The following DNA2 variants were observed in gnomAD, a reference collection of about 807,000 sequenced individuals.
DNA2 encodes the protein DNA replication ATP-dependent helicase/nuclease DNA2.
DNA2 carries 101 observed loss-of-function variants against 119.1 expected under a neutral mutation model. That is an observed-to-expected ratio of 0.85 (90% CI 0.72 to 1.00). The LOEUF is 1.00. Ranked by LOEUF, DNA2 falls within the 50% of genes least tolerant of loss-of-function variation. DNA2 has a pLI of 0.00. For missense variants in DNA2, 1,121 were observed against 1,255.5 expected (o/e 0.89, Z 1.62); for synonymous variants, 366 against 424.4 (o/e 0.86, Z 1.69).
chr10:68,417,532 TA>T (rs1378902791), intron 19 of DNA2, among the ~76,000 whole-genome samples: 1 of 150,396 alleles, frequency 6.6e-6, no homozygotes, highest in Middle Eastern at 3.7e-3. Context: ...CGCATGCCTG[TA>T]ATCCCAGCTA....
At chr10:68,439,559 C>T (rs1003934197) in intron 9 of DNA2, among the ~76,000 whole-genome samples, 1 of 151,834 alleles carries the variant, frequency 6.6e-6, no homozygotes, top group African/African-American at 2.4e-5. Context: ...AAAAAATAGC[C>T]AGGTGCTGTG....
rs1014842133 is a variant in DNA2 at position 68,470,557 on chromosome 10, T to G, written c.75-394A>C. On this transcript the variant is annotated intron_variant, in intron 1 of 20. Coordinates refer to ENST00000358410, the MANE Select transcript of DNA2 (RefSeq NM_001080449.3). ...TGAGCCCAGGAGTTTGAGGCTGCAGTGAGATACGATCATGCTACTGCACCC... is the reference window on the plus strand; with the variant it reads ...TGAGCCCAGGAGTTTGAGGCTGCAGGGAGATACGATCATGCTACTGCACCC... 2.9e-5 allele frequency: 13 copies of G among 447,968 alleles called. No homozygotes were observed. In the East Asian group the frequency reaches 9.1e-4, roughly 31 times the overall value. 27.7% of individuals were successfully genotyped at this position (447,968 alleles called of 1,614,324 possible). A position where few individuals can be genotyped will look rare whatever the true frequency, so the allele number is the denominator to read the frequency against.
chr10:68,424,648 T>C (rs2051712471), intron 14 of DNA2: 1 of 1,604,586 alleles, frequency 6.2e-7, no homozygotes, highest in Non-Finnish European at 8.5e-7. Flanking sequence ...CGGAAGATCA[T>C]GTCATCCCCG....
intron 2 of DNA2, among the ~76,000 whole-genome samples, chr10:68,468,688 T>C (rs760842900): frequency 6.6e-6 from 1 of 152,210 alleles, no homozygotes; most frequent in Non-Finnish European, 1.5e-5. Context: ...TTTTAGGAAA[T>C]CTACAGCTTG....
Position 68,456,171 on chromosome 10 carries a change from T to C in DNA2, c.719+2933A>G, listed in dbSNP as rs539168816. On this transcript the variant is annotated intron_variant, in intron 5 of 20. Coordinates refer to ENST00000358410, the MANE Select transcript of DNA2 (RefSeq NM_001080449.3). ...CAGGAGGCAGAGGTTGCAGTGAGCC[T>C]AAATCACACCACTGCACTCCAGTCT... 8.6e-5 allele frequency among the ~76,000 whole-genome samples: 13 copies of C among 151,934 alleles called. No individual in the cohort carries two copies. In the East Asian group the frequency reaches 2.5e-3, roughly 29 times the overall value.
intron 7 of DNA2, among the ~76,000 whole-genome samples, 194 bp from the exon 8 acceptor site, chr10:68,445,277 C>T (rs1404243694): frequency 6.6e-6 from 1 of 152,130 alleles, no homozygotes; most frequent in Non-Finnish European, 1.5e-5. Context: ...CTAGCCTAAC[C>T]AACACGGTGA....
At chr10:68,436,780 G>A (rs1289713377) in intron 10 of DNA2, 3 of 366,584 alleles carry the variant, frequency 8.2e-6, no homozygotes, top group Non-Finnish European at 1.5e-5. Flanking sequence ...GGTTGCCACG[G>A]GCTGGGGAAA....
In DNA2 at chr10:68,450,074, T is replaced by C; in HGVS notation, c.893A>G (p.Glu298Gly). ...ATTTGATTCTTTGCCAGTTTTAAGT[T>C]CCAGCGGCATTATCTTGTATTTTGT... ...YKTKYKIMPL[E>G]LKTGKESNSI... The change falls in exon 6 of 21, where the codon GAA becomes GGA. Residue 298 changes from glutamate (E) to glycine (G), a missense_variant. Coordinates refer to ENST00000358410, the MANE Select transcript of DNA2 (RefSeq NM_001080449.3). The C allele has an allele frequency of 6.2e-7, 1 of 1,601,976 alleles. No individual in the cohort carries two copies. Among genetic ancestry groups the C allele is most frequent in the Non-Finnish European group, 8.5e-7 (1 of 1,173,270 alleles).
intron 5 of DNA2, among the ~76,000 whole-genome samples, chr10:68,457,049 G>A (rs1236676993): frequency 3.3e-5 from 5 of 151,716 alleles, no homozygotes; most frequent in Non-Finnish European, 4.4e-5. Flanking sequence ...CAGGAGAATG[G>A]CGTGAACCCG....
At position 68,443,038 on chromosome 10, in the gene DNA2, G is replaced by A. The variant is rs2051991471; in HGVS notation, c.1294C>T (p.His432Tyr). 2 of 1,601,556 alleles carry A rather than the reference G, an allele frequency of 1.2e-6. No homozygotes were observed. Among genetic ancestry groups the A allele is most frequent in the African/African-American group, 2.7e-5 (2 of 74,808 alleles). Residue 432 changes from histidine (H) to tyrosine (Y), a missense_variant, in exon 9 of 21, where the codon CAT becomes TAT. By Grantham distance (83) the His-to-Tyr change is moderately conservative (BLOSUM62 2). Coordinates refer to ENST00000358410, the MANE Select transcript of DNA2 (RefSeq NM_001080449.3). ...TATTCTAAGTGTGTTTGCTTCAGAT[G>A]CTGGGTTTCTTCTTCTATTTTGGGC... The part of the protein sequence containing the change: ...MLPKIEEETQ[H>Y]LKQTHLEYFS...
rs111558147 is a variant in DNA2, at chr10:68,457,334, T to C, written c.719+1770A>G. 6.8e-3 allele frequency among the ~76,000 whole-genome samples: 1,041 copies of C among 152,282 alleles called. 23 individuals are homozygous for C. Among genetic ancestry groups the C allele is most frequent in the African/African-American group, 0.024 (1,000 of 41,560 alleles). On this transcript the variant is annotated intron_variant, in intron 5 of 20. Coordinates refer to ENST00000358410, the MANE Select transcript of DNA2 (RefSeq NM_001080449.3). ...CTAGTATGTGTCAGCCACAGGGCTT[T>C]TGCCGTTTCCCCTACCTAGAACATT...
intron 14 of DNA2, among the ~76,000 whole-genome samples, chr10:68,428,755 A>G (rs1441747796): frequency 2.0e-5 from 3 of 152,208 alleles, no homozygotes; most frequent in Admixed American, 2.0e-4. Flanking sequence ...TTCTCGAACG[A>G]CCAAATTATC....
chr10:68,468,252 T>G lies in DNA2; in HGVS notation c.312A>C (p.Thr104=), dbSNP rs2052349313. 1 of 1,611,136 alleles carries G rather than the reference T, an allele frequency of 6.2e-7. No homozygotes were observed. The highest frequency in any genetic ancestry group is 8.5e-7 in the Non-Finnish European group (1 of 1,178,950). ...CTTTATCTATTATCCAAGTGTCAGA[T>G]GTGCAGTCTCCCTCCAAATGAATGA... ...GDIIHLEGDC[T]SDTWIIDKDF... Residue 104 remains threonine (T), a synonymous_variant, in exon 3 of 21, where the codon ACA becomes ACC. Transcript: ENST00000358410.
Position 68,422,292 on chromosome 10 carries a change from G to T in DNA2, c.2630C>A (p.Ser877Tyr), listed in dbSNP as rs772662039. The T allele has an allele frequency of 5.0e-6, 8 of 1,613,632 alleles. No individual in the cohort carries two copies. In the Admixed American group the frequency reaches 5.0e-5, roughly 10 times the overall value. Residue 877 changes from serine to tyrosine, a missense_variant, in exon 17 of 21, where the codon TCT becomes TAT. Coordinates refer to ENST00000358410, the MANE Select transcript of DNA2 (RefSeq NM_001080449.3). ...TACTCCCATCAACCAAGGATTATCA[G>T]AATAGTCAGCATAAAATTCCAGTTC... ...KLELEFYADY[S>Y]DNPWLMGVFE...
At chr10:68,444,117 C>T (rs1564888063) in intron 8 of DNA2, among the ~76,000 whole-genome samples, 2 of 151,830 alleles carry the variant, frequency 1.3e-5, no homozygotes, top group Admixed American at 1.3e-4. Context: ...AATTGCTGGG[C>T]GCAGTGGTTC....
intron 5 of DNA2, 64 bp from the exon 6 acceptor site, chr10:68,450,311 C>T (rs903938138): frequency 2.5e-6 from 3 of 1,196,744 alleles, no homozygotes; most frequent in Admixed American, 2.1e-5. Flanking sequence ...CATCTGCTGG[C>T]TCTGACTGCC....
intron 13 of DNA2, among the ~76,000 whole-genome samples, chr10:68,431,135 T>C (rs1485384375): frequency 6.7e-6 from 1 of 149,214 alleles, no homozygotes; most frequent in Non-Finnish European, 1.5e-5. Context: ...CCAATCCCCC[T>C]GACTTGGACT....
intron 5 of DNA2, among the ~76,000 whole-genome samples, chr10:68,454,234 A>T (rs1042533787): frequency 2.6e-5 from 4 of 152,148 alleles, no homozygotes; most frequent in Middle Eastern, 3.2e-3. Flanking sequence ...TATCCCTGTA[A>T]CAACAGTACC....
At chr10:68,454,590 A>T (rs1564893050) in intron 5 of DNA2, among the ~76,000 whole-genome samples, 2 of 151,942 alleles carry the variant, frequency 1.3e-5, no homozygotes, top group Non-Finnish European at 2.9e-5. Flanking sequence ...TGGATCACCT[A>T]AGGTCAGAAG....
Sources: gnomAD v4.1 joint callset for allele counts (sites outside exome capture counted in the v4.1 genomes callset) on GRCh38, gnomAD v4.1.1 for gene constraint, MANE v1.5 for transcripts, NCBI Gene and HGNC (gene_info 2026-07-23, HGNC 2026-07-21) for gene names.